The following DEPDC5 variants were observed in gnomAD, a reference collection of about 807,000 sequenced individuals.
DEPDC5 encodes DEP domain containing 5, GATOR1 subcomplex subunit.
DEPDC5 carries 73 observed loss-of-function variants against 217.3 expected under a neutral mutation model. The observed-to-expected ratio is 0.34, with a 90% confidence interval of 0.28 to 0.41. DEPDC5 has a LOEUF of 0.41. DEPDC5 is among the 10% of genes least tolerant of loss of function. The pLI, the probability that DEPDC5 is intolerant of heterozygous loss-of-function variation, is 1.00. For synonymous variants in DEPDC5, 733 were observed against 756.7 expected (o/e 0.97, Z 0.51); for missense variants, 1,675 against 2,070.1 (o/e 0.81, Z 3.70).
chr22:31,777,072 C>T (rs939443738), intron 7 of DEPDC5, among the ~76,000 whole-genome samples: 3 of 150,912 alleles, frequency 2.0e-5, no homozygotes, highest in African/African-American at 4.9e-5. Context: ...AAACGGTTCT[C>T]CTGCCTAAGC....
chr22:31,764,694 G>A (rs2082669153), intron 4 of DEPDC5, among the ~76,000 whole-genome samples: 1 of 152,120 alleles, frequency 6.6e-6, no homozygotes, highest in Non-Finnish European at 1.5e-5. Context: ...GAGATTACAG[G>A]TGTTAGCCAC....
chr22:31,827,209 G>A (rs1427754381), intron 24 of DEPDC5, among the ~76,000 whole-genome samples: 4 of 152,052 alleles, frequency 2.6e-5, no homozygotes, highest in Non-Finnish European at 5.9e-5. Flanking sequence ...GTTTTCAAAG[G>A]GGTTAGTGGC....
rs2091503304 is a variant in DEPDC5, at chr22:31,843,197, C to T, written c.2618C>T (p.Thr873Met). 1.4e-5 allele frequency: 22 copies of T among 1,613,732 alleles called. No homozygotes were observed. Among genetic ancestry groups the T allele is most frequent in the East Asian group, 4.5e-5 (2 of 44,884 alleles). ...VTLKDKMITVTRYLPKYPYES... is the reference protein window; with the variant it reads ...VTLKDKMITVMRYLPKYPYES... ...CTGAAGGATAAGATGATCACAGTGA[C>T]GCGATACCTTCCCAAGTGAGTATTT... The change falls in exon 28 of 43, where the codon ACG (threonine) becomes ATG (methionine). Residue 873 changes from threonine to methionine, a missense_variant. Physicochemically the swap from Thr to Met is moderately conservative, Grantham distance 81. This residue lies in a region of DEPDC5 where 293 missense variants were observed against 386.1 expected (regional missense o/e 0.76). Transcript: ENST00000651528.
chr22:31,809,747 AGGTT>A, intron 19 of DEPDC5, 100 bp downstream of exon 19: 1 of 1,236,742 alleles, frequency 8.1e-7, no homozygotes, highest in Non-Finnish European at 1.2e-6. Context: ...TGGGAGGCCA[AGGTT>A]GGTGGATCAC....
At chr22:31,791,458 G>T (rs1455449038) in intron 10 of DEPDC5, among the ~76,000 whole-genome samples, 1 of 151,400 alleles carries the variant, frequency 6.6e-6, no homozygotes, top group Non-Finnish European at 1.5e-5. Flanking sequence ...CCAACATGGT[G>T]AAACCCTGTC....
intron 33 of DEPDC5, among the ~76,000 whole-genome samples, chr22:31,870,125 C>T (rs1029956161): frequency 3.9e-5 from 6 of 152,110 alleles, no homozygotes; most frequent in South Asian, 2.1e-4. Context: ...GGGTGAGTCA[C>T]GGTAGGCAGA....
At chr22:31,879,227 C>T (rs1369694875) in intron 37 of DEPDC5, among the ~76,000 whole-genome samples, 1 of 151,596 alleles carries the variant, frequency 6.6e-6, no homozygotes, top group African/African-American at 2.4e-5. Context: ...CAGTGTTGTA[C>T]AACTATCATG....
At chr22:31,772,482 A>C (rs1190644894) in intron 7 of DEPDC5, among the ~76,000 whole-genome samples, 1 of 152,210 alleles carries the variant, frequency 6.6e-6, no homozygotes, top group East Asian at 1.9e-4. Context: ...GTAAACCCTT[A>C]GTCTTCACAT....
chr22:31,768,097 A>AT (rs1186094067), intron 6 of DEPDC5, among the ~76,000 whole-genome samples: 6 of 148,336 alleles, frequency 4.0e-5, no homozygotes, highest in Non-Finnish European at 6.0e-5. Context: ...TTTTTTTTTA[A>AT]TTTTTTTTTA....
chr22:31,880,517 T>G (rs2093144901), intron 38 of DEPDC5, among the ~76,000 whole-genome samples: 1 of 152,208 alleles, frequency 6.6e-6, no homozygotes, highest in Admixed American at 6.5e-5. Flanking sequence ...CCAGGGAAAT[T>G]CCATGTTCTG....
intron 37 of DEPDC5, 133 bp from the exon 38 acceptor site, chr22:31,879,392 A>G: frequency 1.3e-6 from 1 of 786,114 alleles, no homozygotes; most frequent in South Asian, 1.7e-5. Flanking sequence ...AAATGGAACT[A>G]TACAGTATGT....
At chr22:31,760,906 G>A (rs1449911775) in intron 4 of DEPDC5, among the ~76,000 whole-genome samples, 1 of 151,776 alleles carries the variant, frequency 6.6e-6, no homozygotes, top group Non-Finnish European at 1.5e-5. Flanking sequence ...GGCTTCTATT[G>A]TATCCATTAC....
chr22:31,781,501 C>T (rs564960628), intron 8 of DEPDC5, among the ~76,000 whole-genome samples: 64 of 151,920 alleles, frequency 4.2e-4, no homozygotes, highest in Non-Finnish European at 7.2e-4. Flanking sequence ...GGCGTGATCT[C>T]GGCTCACTAC....
intron 2 of DEPDC5, 112 bp downstream of exon 2, chr22:31,755,091 T>A: frequency 1.7e-6 from 2 of 1,209,438 alleles, no homozygotes; most frequent in East Asian, 2.3e-5. Flanking sequence ...AACAGGCGAC[T>A]AAACAGACTA....
intron 3 of DEPDC5, among the ~76,000 whole-genome samples, chr22:31,759,383 GT>G (rs61655571): frequency 0.44 from 64,003 of 144,936 alleles, 14,122 homozygotes; most frequent in Middle Eastern, 0.58. Context: ...GTTTTTTTTT[GT>G]TTTTTTTGAG....
Position 31,838,726 on chromosome 22 carries a change from T to C in DEPDC5, c.2396T>C (p.Phe799Ser), listed in dbSNP as rs1323024701. ...GTGCAGATGACAGCCCAGCAGGTAT[T>C]TGAAGAGTTTATTTGCCAACGTCTC... Reference protein sequence around the residue: ...DGVQMTAQQVFEEFICQRLMQ... With the variant: ...DGVQMTAQQVSEEFICQRLMQ... The change falls in exon 27 of 43, where the codon TTT becomes TCT. Residue 799 changes from phenylalanine to serine, a missense_variant. Physicochemically the swap from Phe to Ser is radical, Grantham distance 155. Around this residue, in one of 11 missense-constraint regions of DEPDC5, gnomAD observed 293 missense variants for 386.1 expected, o/e 0.76. Transcript: ENST00000651528. 6.2e-7 allele frequency: 1 copy of C among 1,614,036 alleles called. No individual in the cohort carries two copies. The highest frequency in any genetic ancestry group is 1.3e-5 in the African/African-American group (1 of 74,910).
chr22:31,863,876 T>C (rs1449609018), intron 33 of DEPDC5, among the ~76,000 whole-genome samples: 5 of 151,722 alleles, frequency 3.3e-5, no homozygotes, highest in Non-Finnish European at 7.4e-5. Flanking sequence ...TGAGCCGAGA[T>C]TGTGCCACTG....
chr22:31,759,661 C>T (rs1176444604), intron 3 of DEPDC5, among the ~76,000 whole-genome samples: 1 of 144,430 alleles, frequency 6.9e-6, no homozygotes. Flanking sequence ...CATGAGCTAC[C>T]TTGCCGCGCC....
intron 18 of DEPDC5, 44 bp from the exon 19 acceptor site, chr22:31,809,567 T>G (rs770318213): frequency 6.2e-7 from 1 of 1,610,244 alleles, no homozygotes; most frequent in Non-Finnish European, 8.5e-7. Flanking sequence ...TAAGTTCTTT[T>G]CTAGCGAAGG....
Sources: allele counts gnomAD v4.1 joint callset (sites outside exome capture counted in the v4.1 genomes callset), GRCh38; gene constraint gnomAD v4.1.1; regional missense constraint gnomAD v4.1.1; transcripts MANE v1.5; gene names NCBI Gene and HGNC (gene_info 2026-07-23, HGNC 2026-07-21).